CBLN2: variants seen among roughly 807,000 people sequenced by gnomAD.
The protein encoded by CBLN2 is cerebellin 2 precursor, also known as cerebellin-2.
A neutral mutation model predicts 15.0 loss-of-function variants in CBLN2; 7 were observed. The observed-to-expected ratio is 0.47, with a 90% CI of 0.27 to 0.88. CBLN2 has a LOEUF of 0.88. Among genes scored for constraint, CBLN2 ranks in the 40% least tolerant of loss-of-function variants. The probability of loss-of-function intolerance (pLI) is 0.14; values close to 1 mark genes in which losing one functional copy is unlikely to be tolerated. For synonymous variants in CBLN2, 149 were observed against 135.2 expected, an observed-to-expected ratio of 1.10 and a Z score of -0.71; for missense variants, 242 against 304.5, an observed-to-expected ratio of 0.79 and a Z score of 1.53.
intron 1 of CBLN2, among the ~76,000 whole-genome samples, chr18:72,606,081 C>G (rs1228363912): frequency 1.3e-5 from 2 of 152,224 alleles, no homozygotes; most frequent in Non-Finnish European, 2.9e-5. Context: ...TTTGCTGTCA[C>G]CACATCCTTG....
intron 3 of CBLN2, 67 bp downstream of exon 3, chr18:72,541,737 G>A: frequency 1.5e-6 from 2 of 1,342,392 alleles, no homozygotes; most frequent in Non-Finnish European, 2.0e-6. Flanking sequence ...CTGAACCCCA[G>A]CCCGCGCGCG....
At chr18:72,621,103 GT>G (rs1344468871) in intron 1 of CBLN2, among the ~76,000 whole-genome samples, 1 of 152,096 alleles carries the variant, frequency 6.6e-6, no homozygotes, top group Non-Finnish European at 1.5e-5. Flanking sequence ...CCTTTCATAT[GT>G]TTCTATTTGT....
chr18:72,550,524 G>A (rs1372582149), intron 1 of CBLN2, among the ~76,000 whole-genome samples: 2 of 152,130 alleles, frequency 1.3e-5, no homozygotes, highest in African/African-American at 4.8e-5. Flanking sequence ...ATGGGCTACG[G>A]AGGCGGCGGA....
chr18:72,629,269 C>T (rs1438732329), intron 1 of CBLN2, among the ~76,000 whole-genome samples: 1 of 152,082 alleles, frequency 6.6e-6, no homozygotes, highest in African/African-American at 2.4e-5. Flanking sequence ...AAGTGCAAGA[C>T]AATTGTTCTG....
intron 1 of CBLN2, among the ~76,000 whole-genome samples, chr18:72,561,355 T>G (rs1005832798): frequency 6.6e-6 from 1 of 151,968 alleles, no homozygotes; most frequent in South Asian, 2.1e-4. Flanking sequence ...ATGAGAATAC[T>G]CAATGTATGA....
At chr18:72,555,177 A>G (rs931501386) in intron 1 of CBLN2, among the ~76,000 whole-genome samples, 17 of 151,526 alleles carry the variant, frequency 1.1e-4, no homozygotes, top group African/African-American at 3.9e-4. Context: ...AGAGAGAGGG[A>G]AAAAAAAGCA....
intron 4 of CBLN2, 71 bp from the exon 5 acceptor site, chr18:72,538,444 C>A: frequency 2.6e-6 from 4 of 1,540,630 alleles, no homozygotes; most frequent in Non-Finnish European, 3.6e-6. Flanking sequence ...TCTCCTTTGC[C>A]AATATCCCCA....
intron 1 of CBLN2, among the ~76,000 whole-genome samples, chr18:72,594,478 G>A (rs554281891): frequency 6.1e-4 from 91 of 149,598 alleles, no homozygotes; most frequent in Non-Finnish European, 1.2e-3. Flanking sequence ...TCTGGTTTTG[G>A]TATCAAGGTT....
chr18:72,563,911 A>C (rs917233293), intron 1 of CBLN2, among the ~76,000 whole-genome samples: 1 of 152,202 alleles, frequency 6.6e-6, no homozygotes, highest in Admixed American at 6.5e-5. Flanking sequence ...TAGGCTACTG[A>C]GGCACTCACA....
intron 1 of CBLN2, among the ~76,000 whole-genome samples, chr18:72,597,944 T>C (rs1284421784): frequency 3.3e-5 from 5 of 152,088 alleles, no homozygotes. Context: ...CAGACTTGGG[T>C]TCCCCTTTGG....
At chr18:72,616,450 T>A (rs531456271) in intron 1 of CBLN2, among the ~76,000 whole-genome samples, 1 of 152,140 alleles carries the variant, frequency 6.6e-6, no homozygotes, top group Non-Finnish European at 1.5e-5. Flanking sequence ...AGGCTTTTGG[T>A]GTGCTTTGTG....
At chr18:72,609,320 T>C (rs1052176805) in intron 1 of CBLN2, among the ~76,000 whole-genome samples, 3 of 152,042 alleles carry the variant, frequency 2.0e-5, no homozygotes, top group African/African-American at 7.2e-5. Context: ...ATAATTGTGG[T>C]AAAATGAGGT....
upstream of CBLN2, among the ~76,000 whole-genome samples, chr18:72,545,640 G>A (rs1022947927): frequency 3.3e-5 from 5 of 152,122 alleles, no homozygotes; most frequent in Non-Finnish European, 5.9e-5. Flanking sequence ...GTCAAAATAA[G>A]CCCCCATCCA....
intron 1 of CBLN2, among the ~76,000 whole-genome samples, chr18:72,631,823 C>T (rs908550247): frequency 6.6e-6 from 1 of 152,078 alleles, no homozygotes; most frequent in African/African-American, 2.4e-5. Flanking sequence ...AAATACAGTT[C>T]AAATTTAGGC....
At chr18:72,625,645 T>C (rs2144971921) in intron 1 of CBLN2, among the ~76,000 whole-genome samples, 1 of 145,196 alleles carries the variant, frequency 6.9e-6, no homozygotes, top group East Asian at 2.0e-4. Context: ...AGTATTACTC[T>C]ATTATTATTA....
chr18:72,543,505 C>G lies in CBLN2; in HGVS notation c.-186G>C, dbSNP rs1208491511. 1 of 398,402 alleles carries G rather than the reference C, an allele frequency of 2.5e-6. No individual in the cohort carries two copies. The highest frequency in any genetic ancestry group is 3.6e-5 in the East Asian group (1 of 28,050). The allele number at this position is 398,402 out of a possible 1,614,324, so 24.7% of individuals were successfully genotyped here. On this transcript the variant is annotated 5_prime_UTR_variant, in exon 2 of 5. Coordinates refer to ENST00000269503, the MANE Select transcript of CBLN2 (RefSeq NM_182511.4). This position sits in a 1 kb window ranked among gnomAD's most constrained non-coding sequence, Gnocchi z 6.8. ...GGTTACCTGGAACATCCATGCTGGG[C>G]GAGCTCCGCTGTCCGCGAAGTTGCT...
intron 1 of CBLN2, among the ~76,000 whole-genome samples, chr18:72,590,587 C>A (rs2069474335): frequency 6.6e-6 from 1 of 152,138 alleles, no homozygotes; most frequent in African/African-American, 2.4e-5. Flanking sequence ...AACACCAACA[C>A]ATAAAACAAA....
chr18:72,631,055 G>A (rs2069773029), intron 1 of CBLN2: 1 of 152,106 alleles, frequency 6.6e-6, no homozygotes, highest in South Asian at 2.1e-4. Context: ...TAAGAAAATG[G>A]GTGGAATACA....
chr18:72,580,710 T>C (rs2069397289), intron 1 of CBLN2, among the ~76,000 whole-genome samples: 1 of 152,260 alleles, frequency 6.6e-6, no homozygotes, highest in South Asian at 2.1e-4. Flanking sequence ...TGTGTAAATA[T>C]ACCACATTCT....
Sources: gnomAD v4.1 joint callset for allele counts (sites outside exome capture counted in the v4.1 genomes callset) on GRCh38, gnomAD v4.1.1 for gene constraint, Gnocchi (gnomAD v3.1) non-coding constraint, MANE v1.5 for transcripts, NCBI Gene and HGNC (gene_info 2026-07-23, HGNC 2026-07-21) for gene names.